ARHGAP10: variants seen among roughly 807,000 people sequenced by gnomAD.
ARHGAP10 encodes Rho GTPase activating protein 10, also known as rho GTPase-activating protein 10.
Under a neutral mutation model 108.6 loss-of-function variants are expected in ARHGAP10, and 87 were observed. The ratio of observed to expected loss-of-function variants is 0.80; its 90% confidence interval spans 0.67 to 0.96. The LOEUF (loss-of-function observed/expected upper bound fraction) is 0.96. Among genes scored for constraint, ARHGAP10 ranks in the 40% least tolerant of loss-of-function variants. The pLI, the probability that ARHGAP10 is intolerant of heterozygous loss-of-function variation, is 0.00. For synonymous variants in ARHGAP10, 347 were observed against 341.1 expected, an observed-to-expected ratio of 1.02 and a Z score of -0.19; for missense variants, 939 against 954.5, an observed-to-expected ratio of 0.98 and a Z score of 0.21.
intron 10 of ARHGAP10, among the ~76,000 whole-genome samples, chr4:147,891,335 A>C (rs956739035): frequency 6.6e-6 from 1 of 152,248 alleles, no homozygotes; most frequent in African/African-American, 2.4e-5. Flanking sequence ...ATGCTAAGTG[A>C]AAGAAGCCAG....
At chr4:147,758,972 CAAAA>C (rs748165721) in intron 1 of ARHGAP10, among the ~76,000 whole-genome samples, 3 of 56,202 alleles carry the variant, frequency 5.3e-5, no homozygotes, top group Non-Finnish European at 1.1e-4. Context: ...GACTCTGTCT[CAAAA>C]AAAAAAAAAA....
intron 3 of ARHGAP10, among the ~76,000 whole-genome samples, chr4:147,831,148 T>C (rs1394768287): frequency 1.3e-5 from 2 of 152,216 alleles, no homozygotes; most frequent in Non-Finnish European, 2.9e-5. Context: ...CTTAGGGTGC[T>C]AGTGAAATCT....
intron 12 of ARHGAP10, among the ~76,000 whole-genome samples, chr4:147,911,558 T>G (rs1414080496): frequency 3.3e-5 from 5 of 152,158 alleles, no homozygotes; most frequent in Non-Finnish European, 5.9e-5. Flanking sequence ...GAGACGGGGT[T>G]TCACCGTGTT....
chr4:147,948,779 A>G (rs1316147424), intron 15 of ARHGAP10, among the ~76,000 whole-genome samples: 1 of 150,874 alleles, frequency 6.6e-6, no homozygotes, highest in Non-Finnish European at 1.5e-5. Context: ...ACACGGTGAA[A>G]CCCCGTCTCT....
intron 1 of ARHGAP10, among the ~76,000 whole-genome samples, chr4:147,787,353 A>G (rs2134706): frequency 0.76 from 114,990 of 152,048 alleles, 49,051 homozygotes; most frequent in Non-Finnish European, 0.94. Context: ...GAGTATTTTC[A>G]GTTTAGGAAA....
chr4:148,005,287 T>A (rs1740901157), intron 18 of ARHGAP10, among the ~76,000 whole-genome samples: 1 of 152,212 alleles, frequency 6.6e-6, no homozygotes, highest in African/African-American at 2.4e-5. Flanking sequence ...CCTTGTGTAT[T>A]CACATACATA....
At chr4:147,829,978 CA>C (rs1169883863) in intron 3 of ARHGAP10, among the ~76,000 whole-genome samples, 1 of 152,160 alleles carries the variant, frequency 6.6e-6, no homozygotes, top group Non-Finnish European at 1.5e-5. Flanking sequence ...TGATGGTGCA[CA>C]AAAGGTGCCT....
Position 147,909,779 on chromosome 4 carries a change from T to C in ARHGAP10, c.1162+2T>C. 1 of 1,605,688 alleles carries C rather than the reference T, an allele frequency of 6.2e-7. No individual in the cohort carries two copies. Among genetic ancestry groups the C allele is most frequent in the Non-Finnish European group, 8.5e-7 (1 of 1,172,302 alleles). ...CCATCATCCCAAGACCAGAAGGAAG[T>C]AAGTGCTCATTTATAAAAATGATTG... On this transcript the variant is annotated splice_donor_variant, in intron 12 of 22. Coordinates refer to ENST00000336498, the MANE Select transcript of ARHGAP10 (RefSeq NM_024605.4). LOFTEE classifies it high-confidence loss of function.
At chr4:147,787,824 T>C (rs1730954110) in intron 1 of ARHGAP10, among the ~76,000 whole-genome samples, 1 of 151,984 alleles carries the variant, frequency 6.6e-6, no homozygotes, top group Non-Finnish European at 1.5e-5. Flanking sequence ...TCATGATGCC[T>C]GGGGGGAAGA....
At chr4:148,054,938 C>T (rs1729297756) in intron 20 of ARHGAP10, among the ~76,000 whole-genome samples, 1 of 152,216 alleles carries the variant, frequency 6.6e-6, no homozygotes, top group Non-Finnish European at 1.5e-5. Flanking sequence ...TGGGTGGCAG[C>T]TGGTCGAAAC....
At chr4:147,835,119 G>T (rs1733115445) in intron 3 of ARHGAP10, among the ~76,000 whole-genome samples, 1 of 152,010 alleles carries the variant, frequency 6.6e-6, no homozygotes, top group Non-Finnish European at 1.5e-5. Context: ...AATATTTTGA[G>T]TGCCTACTAT....
chr4:148,007,633 G>A (rs911861976), intron 18 of ARHGAP10, among the ~76,000 whole-genome samples: 3 of 152,150 alleles, frequency 2.0e-5, no homozygotes, highest in African/African-American at 7.2e-5. Context: ...CACAGAACTC[G>A]CTGTCTCCCA....
At chr4:148,000,486 T>C (rs936990319) in intron 18 of ARHGAP10, among the ~76,000 whole-genome samples, 2 of 152,224 alleles carry the variant, frequency 1.3e-5, no homozygotes, top group African/African-American at 2.4e-5. Flanking sequence ...TTCTAGATCC[T>C]TGAGGAATCG....
rs1446733310 is a variant in ARHGAP10, at chr4:147,906,620, G to T, written c.1035-18G>T. 3 of 1,613,912 alleles carry T rather than the reference G, an allele frequency of 1.9e-6. No individual in the cohort carries two copies. The highest frequency in any genetic ancestry group is 2.5e-6 in the Non-Finnish European group (3 of 1,179,872). ...TAGTGGCCAAGGGGTAACCTGATAT[G>T]TTACTGGTGTCTTTCAGGCCTGGCG... On this transcript the variant is annotated intron_variant, in intron 10 of 22. Transcript: ENST00000336498.
rs180708834 is a variant in ARHGAP10 at position 147,817,127 on chromosome 4, G to C, written c.155-5600G>C. On this transcript the variant is annotated intron_variant, in intron 1 of 22. Transcript: ENST00000336498. ...TGTATTCAGATTTAATGAGTGACAA[G>C]AGTATATTTATTAACCATACCCTTT... Among the ~76,000 whole-genome samples the C allele has an allele frequency of 8.5e-5, 13 of 152,262 alleles. No homozygotes were observed. The East Asian group carries it at 2.3e-3, about 27-fold the overall frequency.
At chr4:148,017,682 ATG>A (rs1553971551) in intron 18 of ARHGAP10, among the ~76,000 whole-genome samples, 17 of 135,248 alleles carry the variant, frequency 1.3e-4, no homozygotes, top group East Asian at 6.7e-4. Flanking sequence ...ATATATATAT[ATG>A]TGTGTGTATG....
chr4:147,914,567 C>G lies in ARHGAP10; in HGVS notation c.1228+1428C>G, dbSNP rs115325027. Among the ~76,000 whole-genome samples the G allele has an allele frequency of 1.0e-3, 51 of 49,924 alleles. No homozygotes were observed. The South Asian group carries it at 0.038, about 37-fold the overall frequency. The allele number at this position is 49,924 out of a possible 152,430, so 32.8% of individuals were successfully genotyped here. A position where few individuals can be genotyped will look rare whatever the true frequency, so the allele number is the denominator to read the frequency against. ...CGCATGTTCTGCGCTCCCCCCCCCCCCTTTTTTTTTTTAACATCTTCAGCA... is the reference window on the plus strand; with the variant it reads ...CGCATGTTCTGCGCTCCCCCCCCCCGCTTTTTTTTTTTAACATCTTCAGCA... On this transcript the variant is annotated intron_variant, in intron 13 of 22. Coordinates refer to ENST00000336498, the MANE Select transcript of ARHGAP10 (RefSeq NM_024605.4).
chr4:147,785,082 C>G (rs1199626763), intron 1 of ARHGAP10, among the ~76,000 whole-genome samples: 1 of 15,004 alleles, frequency 6.7e-5, no homozygotes, highest in Non-Finnish European at 5.7e-4. Flanking sequence ...CGACTATTTT[C>G]TAAAAAAAAA....
At chr4:147,927,067 G>A (rs1737492383) in intron 13 of ARHGAP10, among the ~76,000 whole-genome samples, 1 of 152,186 alleles carries the variant, frequency 6.6e-6, no homozygotes, top group African/African-American at 2.4e-5. Flanking sequence ...CCAAGACTGT[G>A]TTTTAAATAC....
Sources: allele counts gnomAD v4.1 joint callset (sites outside exome capture counted in the v4.1 genomes callset), GRCh38; gene constraint gnomAD v4.1.1; transcripts MANE v1.5; gene names NCBI Gene and HGNC (gene_info 2026-07-23, HGNC 2026-07-21).